MBD5: variants seen among roughly 807,000 people sequenced by gnomAD.
The protein encoded by MBD5 is methyl-CpG binding domain protein 5.
Under a neutral mutation model 117.3 loss-of-function variants are expected in MBD5, and 13 were observed. That is an observed-to-expected ratio of 0.11 (90% CI 0.07 to 0.18). The LOEUF is 0.18. Among genes scored for constraint, MBD5 ranks in the 10% least tolerant of loss-of-function variants. The pLI, the probability that MBD5 is intolerant of heterozygous loss-of-function variation, is 1.00. For synonymous variants in MBD5, 727 were observed against 766.4 expected, an observed-to-expected ratio of 0.95 and a Z score of 0.85; for missense variants, 1,879 against 2,093.8, an observed-to-expected ratio of 0.90 and a Z score of 2.00.
intron 3 of MBD5, among the ~76,000 whole-genome samples, chr2:148,259,989 G>T (rs1379762872): frequency 6.6e-6 from 1 of 152,170 alleles, no homozygotes; most frequent in Non-Finnish European, 1.5e-5. Flanking sequence ...TATTAGCGAG[G>T]GGTTTAGCCT....
chr2:148,338,749 G>A (rs909374870), intron 3 of MBD5, among the ~76,000 whole-genome samples: 4 of 152,194 alleles, frequency 2.6e-5, no homozygotes, highest in Non-Finnish European at 5.9e-5. Context: ...TGAGTCAGGA[G>A]AAACACACAG....
intron 1 of MBD5, chr2:148,044,604 G>C (rs1243030960): frequency 6.6e-6 from 1 of 152,080 alleles, no homozygotes; most frequent in African/African-American, 2.4e-5. Context: ...TGATGAGTGG[G>C]TAAGTCAGAA....
At chr2:148,083,721 G>A (rs1320776151) in intron 1 of MBD5, among the ~76,000 whole-genome samples, 4 of 151,900 alleles carry the variant, frequency 2.6e-5, no homozygotes, top group African/African-American at 7.3e-5. Flanking sequence ...TCTGCCTCTC[G>A]GGTTCAAGTG....
Position 148,387,450 on chromosome 2 carries a change from C to T in MBD5, c.-557+45114C>T, listed in dbSNP as rs565169455. On this transcript the variant is annotated intron_variant, in intron 4 of 13. Coordinates refer to ENST00000642680, the MANE Select transcript of MBD5 (RefSeq NM_001378120.1). ...AGAACATACAGCAAGTATCATTCTT[C>T]CCAATGAAGTACTAGAAGCATTTAC... 4.9e-4 allele frequency among the ~76,000 whole-genome samples: 74 copies of T among 152,152 alleles called. 1 individual carries two copies. The highest frequency in any genetic ancestry group is 1.4e-3 in the East Asian group (7 of 5,178).
At chr2:148,390,564 TATA>T (rs1704541723) in intron 4 of MBD5, among the ~76,000 whole-genome samples, 3 of 10,990 alleles carry the variant, frequency 2.7e-4, no homozygotes, top group African/African-American at 1.8e-3. Context: ...TGTATGTGTG[TATA>T]TATATATATA....
intron 2 of MBD5, among the ~76,000 whole-genome samples, chr2:148,180,758 T>C (rs1398982200): frequency 1.3e-5 from 2 of 151,992 alleles, no homozygotes; most frequent in African/African-American, 4.8e-5. Flanking sequence ...CTTAGGTCCA[T>C]GGGGCACTGT....
At chr2:148,158,965 G>T (rs1263133165) in intron 1 of MBD5, among the ~76,000 whole-genome samples, 8 of 152,188 alleles carry the variant, frequency 5.3e-5, no homozygotes, top group Non-Finnish European at 7.4e-5. Context: ...CTTGTGATCT[G>T]CCCGCCTTGG....
chr2:148,049,645 A>G (rs1307860308), intron 1 of MBD5, among the ~76,000 whole-genome samples: 2 of 152,146 alleles, frequency 1.3e-5, no homozygotes, highest in African/African-American at 4.8e-5. Context: ...TGGAGCCATC[A>G]CCAAATCTAA....
At chr2:148,345,592 CGT>C (rs1559033428) in intron 4 of MBD5, among the ~76,000 whole-genome samples, 14,105 of 76,194 alleles carry the variant, frequency 0.19, 1,441 homozygotes, top group Non-Finnish European at 0.25. Flanking sequence ...TGTATATACA[CGT>C]ATACACATAC....
chr2:148,196,859 G>GT (rs1436583323), intron 2 of MBD5, among the ~76,000 whole-genome samples: 2 of 152,028 alleles, frequency 1.3e-5, no homozygotes, highest in African/African-American at 4.8e-5. Context: ...TGGTGTGTGT[G>GT]TGTGTGTGTA....
At chr2:148,243,879 G>A (rs1700276772) in intron 3 of MBD5, 1 of 151,866 alleles carries the variant, frequency 6.6e-6, no homozygotes. Context: ...GAAACTTTCA[G>A]ACTGTACTTC....
chr2:148,260,902 T>C (rs1700716312), intron 3 of MBD5, among the ~76,000 whole-genome samples: 1 of 152,238 alleles, frequency 6.6e-6, no homozygotes, highest in South Asian at 2.1e-4. Context: ...AGAATAGCTA[T>C]GGTTTTGGCA....
intron 4 of MBD5, among the ~76,000 whole-genome samples, chr2:148,438,458 A>G (rs1706219490): frequency 6.6e-6 from 1 of 152,200 alleles, no homozygotes; most frequent in Non-Finnish European, 1.5e-5. Flanking sequence ...AGCCTTGTAC[A>G]CTTACCTGAT....
intron 2 of MBD5, among the ~76,000 whole-genome samples, chr2:148,216,523 A>G (rs1699558706): frequency 6.6e-6 from 1 of 152,216 alleles, no homozygotes; most frequent in South Asian, 2.1e-4. Flanking sequence ...ATGTCCAGAT[A>G]GCTTGAATAC....
intron 4 of MBD5, among the ~76,000 whole-genome samples, chr2:148,426,465 T>C (rs1459987232): frequency 6.6e-6 from 1 of 151,690 alleles, no homozygotes; most frequent in South Asian, 2.1e-4. Flanking sequence ...TATAGACCAA[T>C]GGAGCAGAAC....
At position 148,399,338 on chromosome 2, in the gene MBD5, G is replaced by T. The variant is rs1435555732; in HGVS notation, c.-557+57002G>T. Among the ~76,000 whole-genome samples, 8 of 152,176 alleles carry T rather than the reference G, an allele frequency of 5.3e-5. No individual in the cohort carries two copies. The East Asian group carries it at 1.5e-3, about 29-fold the overall frequency. On this transcript the variant is annotated intron_variant, in intron 4 of 13. Transcript: ENST00000642680. Reference sequence around the variant, plus strand: ...TCCTCTTTTATTTCCTTGAGCAGTGGTTTGTAGTTCTCCTTGAAGAGGTCC... The same window carrying T: ...TCCTCTTTTATTTCCTTGAGCAGTGTTTTGTAGTTCTCCTTGAAGAGGTCC...
intron 3 of MBD5, among the ~76,000 whole-genome samples, chr2:148,267,013 A>G (rs546068135): frequency 2.3e-3 from 354 of 152,274 alleles, no homozygotes; most frequent in Non-Finnish European, 3.5e-3. Flanking sequence ...GAATGAAACA[A>G]GCTTTATCAG....
intron 1 of MBD5, among the ~76,000 whole-genome samples, chr2:148,086,628 A>T (rs1695799054): frequency 6.6e-6 from 1 of 152,182 alleles, no homozygotes; most frequent in Non-Finnish European, 1.5e-5. Context: ...TCGTGCAATT[A>T]GAGTAGGAAT....
chr2:148,078,827 C>T (rs1695571218), intron 1 of MBD5, among the ~76,000 whole-genome samples: 1 of 152,084 alleles, frequency 6.6e-6, no homozygotes, highest in Non-Finnish European at 1.5e-5. Flanking sequence ...ATATCATAGC[C>T]ATAAAGTAAT....
Sources: gnomAD v4.1 joint callset for allele counts (sites outside exome capture counted in the v4.1 genomes callset) on GRCh38, gnomAD v4.1.1 for gene constraint, MANE v1.5 for transcripts, NCBI Gene and HGNC (gene_info 2026-07-23, HGNC 2026-07-21) for gene names.